LARGE1: variants seen among roughly 807,000 people sequenced by gnomAD.
The protein encoded by LARGE1 is LARGE xylosyl- and glucuronyltransferase 1, also known as xylosyl- and glucuronyltransferase LARGE1.
In LARGE1, 43 loss-of-function variants were observed where a neutral mutation model predicts 87.6. The observed-to-expected ratio is 0.49, with a 90% CI of 0.38 to 0.63. LARGE1 has a LOEUF of 0.63. LARGE1 is among the 30% of genes least tolerant of loss of function. The pLI is 0.00. For missense variants in LARGE1, 802 were observed against 1,000.2 expected, an observed-to-expected ratio of 0.80 and a Z score of 2.67; for synonymous variants, 434 against 394.6, an observed-to-expected ratio of 1.10 and a Z score of -1.18.
At chr22:33,742,926 C>T (rs1287616844) in intron 2 of LARGE1, among the ~76,000 whole-genome samples, 1 of 152,096 alleles carries the variant, frequency 6.6e-6, no homozygotes, top group African/African-American at 2.4e-5. Context: ...GAAATCTAAT[C>T]TCCAATGTTA....
intron 9 of LARGE1, among the ~76,000 whole-genome samples, chr22:33,338,280 A>AT (rs1938721718): frequency 6.6e-6 from 1 of 151,966 alleles, no homozygotes; most frequent in South Asian, 2.1e-4. Flanking sequence ...CCCTAGTCCC[A>AT]TTTTTTCAGC....
At chr22:33,305,682 C>G (rs1242785108) in intron 11 of LARGE1, 28 of 745,764 alleles carry the variant, frequency 3.8e-5, no homozygotes, top group Non-Finnish European at 4.6e-5. Flanking sequence ...TTGATGACTT[C>G]CAGAGTTTTC....
chr22:33,350,857 C>T (rs1187428341), intron 9 of LARGE1, among the ~76,000 whole-genome samples: 1 of 152,174 alleles, frequency 6.6e-6, no homozygotes, highest in African/African-American at 2.4e-5. Context: ...GTGAGTCATT[C>T]CTGACCATTC....
chr22:33,539,797 C>T (rs979341241), intron 6 of LARGE1, among the ~76,000 whole-genome samples: 2 of 152,020 alleles, frequency 1.3e-5, no homozygotes, highest in Non-Finnish European at 2.9e-5. Context: ...CCAGGCTGGT[C>T]TCAAATTCCT....
chr22:33,694,892 C>A (rs1463121901), intron 2 of LARGE1, among the ~76,000 whole-genome samples: 1 of 152,228 alleles, frequency 6.6e-6, no homozygotes, highest in East Asian at 1.9e-4. Context: ...GAGAATGAAC[C>A]TTTGGGCTTA....
intron 11 of LARGE1, among the ~76,000 whole-genome samples, chr22:33,263,786 G>A: frequency 6.6e-6 from 1 of 152,194 alleles, no homozygotes; most frequent in East Asian, 1.9e-4. Flanking sequence ...CACTCCCCAT[G>A]GACATGAAAT....
At chr22:33,522,070 G>C (rs2071629653) in intron 6 of LARGE1, among the ~76,000 whole-genome samples, 1 of 152,146 alleles carries the variant, frequency 6.6e-6, no homozygotes, top group Non-Finnish European at 1.5e-5. Context: ...CCACGGGGAT[G>C]GCACTAAGCC....
At chr22:33,166,668 G>A (rs1031950673) in exon 12 of LARGE1, 20 of 453,846 alleles carry the variant, frequency 4.4e-5, no homozygotes, top group Non-Finnish European at 9.2e-5. Context: ...GTACCACTTT[G>A]GCTTCAACGT....
intron 1 of LARGE1, among the ~76,000 whole-genome samples, chr22:33,849,017 G>A (rs1206121236): frequency 1.3e-5 from 2 of 152,148 alleles, no homozygotes; most frequent in Non-Finnish European, 2.9e-5. Flanking sequence ...TCTGCACTCC[G>A]TCCCAGAGAA....
intron 1 of LARGE1, among the ~76,000 whole-genome samples, chr22:33,860,990 G>A (rs1176968940): frequency 2.6e-5 from 4 of 152,138 alleles, no homozygotes; most frequent in African/African-American, 9.7e-5. Flanking sequence ...GCACTCCTGG[G>A]CACTGTCGCT....
chr22:33,829,012 T>TC lies in LARGE1; in HGVS notation c.-82-67455_-82-67454insG, dbSNP rs1288021857. On this transcript the variant is annotated intron_variant, in intron 1 of 14. Coordinates refer to ENST00000397394, the MANE Select transcript of LARGE1 (RefSeq NM_133642.5). ...CTTTGTGAAGTCTCTTTTTCTTTTT[T>TC]TTTTTTTTTTTTTTTTGAGAGAGTC... Among the ~76,000 whole-genome samples, 63 of 139,716 alleles carry TC rather than the reference T, an allele frequency of 4.5e-4. 1 individual carries two copies. The East Asian group carries it at 0.012, about 26-fold the overall frequency. 91.7% of individuals were successfully genotyped at this position (139,716 alleles called of 152,430 possible).
At chr22:33,833,836 C>T (rs1298870445) in intron 1 of LARGE1, among the ~76,000 whole-genome samples, 7 of 152,040 alleles carry the variant, frequency 4.6e-5, no homozygotes, top group African/African-American at 1.5e-4. Context: ...TACAGGCATG[C>T]GCCACCACGC....
intron 1 of LARGE1, among the ~76,000 whole-genome samples, chr22:33,765,707 CAAAAAAA>C (rs33943950): frequency 2.9e-5 from 2 of 69,906 alleles, no homozygotes; most frequent in Non-Finnish European, 5.0e-5. Flanking sequence ...CTCCATCTCA[CAAAAAAA>C]AAAAAAAAAA....
chr22:33,407,540 G>A (rs2147389248), intron 7 of LARGE1, among the ~76,000 whole-genome samples: 2 of 152,234 alleles, frequency 1.3e-5, no homozygotes, highest in Middle Eastern at 6.8e-3. Context: ...GTGGGTGAAG[G>A]TAACCAATAT....
chr22:33,650,569 A>T lies in LARGE1; in HGVS notation c.206T>A (p.Met69Lys). 1 of 1,607,736 alleles carries T rather than the reference A, an allele frequency of 6.2e-7. No homozygotes were observed. The highest frequency in any genetic ancestry group is 8.5e-7 in the Non-Finnish European group (1 of 1,179,934). Residue 69 changes from methionine (M) to lysine (K), a missense_variant, in exon 3 of 15, where the codon ATG becomes AAG. By Grantham distance (95) the Met-to-Lys change is moderately conservative. Transcript: ENST00000397394. ...QRERESLEVR[M>K]REVEEENRAL... ...GCGGTTCTCCTCCTCCACCTCGCGC[A>T]TGCGCACCTCCAGGCTCTCGCGCTC...
At chr22:33,104,893 T>TTCTC in the LARGE1 span, among the ~76,000 whole-genome samples, 2 of 25,180 alleles carry the variant, frequency 7.9e-5, no homozygotes, top group Admixed American at 3.6e-4. Flanking sequence ...TTCTCTCTCT[T>TTCTC]TCTTTCTTTC....
chr22:33,458,453 C>T (rs910972578), intron 6 of LARGE1, among the ~76,000 whole-genome samples: 17 of 148,102 alleles, frequency 1.1e-4, no homozygotes, highest in African/African-American at 4.2e-4. Context: ...TTTTTTAAGA[C>T]AGAGTTTTGC....
At chr22:33,809,816 C>T (rs1333658999) in intron 1 of LARGE1, among the ~76,000 whole-genome samples, 1 of 151,944 alleles carries the variant, frequency 6.6e-6, no homozygotes, top group African/African-American at 2.4e-5. Context: ...AAGTACATCT[C>T]AATTGGGGTG....
intron 2 of LARGE1, among the ~76,000 whole-genome samples, chr22:33,684,210 G>A (rs1207549005): frequency 6.6e-6 from 1 of 152,106 alleles, no homozygotes; most frequent in East Asian, 1.9e-4. Context: ...GAACACTGTT[G>A]TGTGACTGGA....
Sources: gnomAD v4.1 joint callset for allele counts (sites outside exome capture counted in the v4.1 genomes callset) on GRCh38, gnomAD v4.1.1 for gene constraint, MANE v1.5 for transcripts, NCBI Gene and HGNC (gene_info 2026-07-23, HGNC 2026-07-21) for gene names.